SOX5: variants seen among roughly 807,000 people sequenced by gnomAD.
SOX5 encodes SRY-box transcription factor 5.
Under a neutral mutation model 92.0 loss-of-function variants are expected in SOX5, and 9 were observed. The observed-to-expected ratio is 0.10, with a 90% CI of 0.06 to 0.17. The LOEUF (loss-of-function observed/expected upper bound fraction) is 0.17. SOX5 is among the 10% of genes least tolerant of loss of function. The pLI is 1.00. For missense variants in SOX5, 642 were observed against 944.5 expected, an observed-to-expected ratio of 0.68 and a Z score of 4.20; for synonymous variants, 344 against 336.3, an observed-to-expected ratio of 1.02 and a Z score of -0.25.
At chr12:24,481,867 G>T (rs1475540253) in intron 1 of SOX5, among the ~76,000 whole-genome samples, 1 of 152,116 alleles carries the variant, frequency 6.6e-6, no homozygotes, top group Non-Finnish European at 1.5e-5. Flanking sequence ...TGCTGGCATG[G>T]TACCTAAATT....
chr12:24,155,906 A>T (rs1952118622), intron 4 of SOX5, among the ~76,000 whole-genome samples: 1 of 152,130 alleles, frequency 6.6e-6, no homozygotes, highest in South Asian at 2.1e-4. Flanking sequence ...AGGTGACAGT[A>T]GATATAGAAA....
At chr12:24,112,291 T>C (rs1040088494) in intron 4 of SOX5, among the ~76,000 whole-genome samples, 1 of 152,278 alleles carries the variant, frequency 6.6e-6, no homozygotes, top group East Asian at 1.9e-4. Context: ...CAAAAAAGTT[T>C]TATGGAAACA....
chr12:24,012,194 T>C (rs1024528780), intron 4 of SOX5, among the ~76,000 whole-genome samples: 1 of 152,122 alleles, frequency 6.6e-6, no homozygotes. Flanking sequence ...AGCGGACAAG[T>C]GGTTGTTTAT....
At chr12:24,104,856 C>T (rs1946499843) in intron 4 of SOX5, among the ~76,000 whole-genome samples, 1 of 152,204 alleles carries the variant, frequency 6.6e-6, no homozygotes. Flanking sequence ...GACAGCCAAA[C>T]AATTTGGAAC....
intron 6 of SOX5, among the ~76,000 whole-genome samples, chr12:23,706,013 C>T (rs970495964): frequency 6.6e-6 from 1 of 151,746 alleles, no homozygotes; most frequent in African/African-American, 2.4e-5. Flanking sequence ...ATGCATCTTG[C>T]TTCTCACCAC....
At chr12:23,633,198 C>A (rs544989252) in intron 8 of SOX5, among the ~76,000 whole-genome samples, 3 of 152,088 alleles carry the variant, frequency 2.0e-5, no homozygotes, top group African/African-American at 7.2e-5. Flanking sequence ...ATAAATATTT[C>A]CTTCCAATTT....
intron 1 of SOX5, among the ~76,000 whole-genome samples, chr12:24,375,207 T>G (rs1957135191): frequency 1.3e-5 from 2 of 151,300 alleles, no homozygotes; most frequent in South Asian, 4.2e-4. Context: ...TCACCTGACC[T>G]CGTGATCCAC....
intron 3 of SOX5, among the ~76,000 whole-genome samples, chr12:23,758,106 T>C (rs1026236634): frequency 6.6e-6 from 1 of 151,546 alleles, no homozygotes. Context: ...ACGGTTGTCA[T>C]GTCTGTGGAT....
At chr12:23,658,110 G>A (rs1253019395) in intron 7 of SOX5, among the ~76,000 whole-genome samples, 1 of 152,026 alleles carries the variant, frequency 6.6e-6, no homozygotes, top group Non-Finnish European at 1.5e-5. Flanking sequence ...CAGTTATAAT[G>A]ATTAAAATCA....
chr12:24,455,607 T>C (rs1260747310), intron 1 of SOX5, among the ~76,000 whole-genome samples: 1 of 152,210 alleles, frequency 6.6e-6, no homozygotes, highest in Non-Finnish European at 1.5e-5. Context: ...CACCTCCAAC[T>C]ATGTGCAGAG....
At chr12:23,968,339 G>C (rs1490681781) in intron 4 of SOX5, among the ~76,000 whole-genome samples, 3 of 152,144 alleles carry the variant, frequency 2.0e-5, no homozygotes, top group Non-Finnish European at 4.4e-5. Context: ...TATACTACTT[G>C]ACCTTGGCTA....
intron 4 of SOX5, among the ~76,000 whole-genome samples, chr12:24,161,993 T>C (rs1349099398): frequency 6.6e-6 from 1 of 152,028 alleles, no homozygotes; most frequent in Non-Finnish European, 1.5e-5. Context: ...ATAGAAATCA[T>C]TGGTAAGGAG....
intron 7 of SOX5, among the ~76,000 whole-genome samples, chr12:23,655,839 A>G (rs945765133): frequency 6.6e-6 from 1 of 152,158 alleles, no homozygotes; most frequent in African/African-American, 2.4e-5. Context: ...GAAAAAATAC[A>G]TAATATAAAT....
At chr12:24,284,434 G>GTC (rs1291262848) in intron 2 of SOX5, among the ~76,000 whole-genome samples, 1 of 150,684 alleles carries the variant, frequency 6.6e-6, no homozygotes, top group Non-Finnish European at 1.5e-5. Context: ...TTTTTTCTTT[G>GTC]TGTGTGTGTG....
chr12:23,544,585 A>T (rs1465461699), intron 12 of SOX5, among the ~76,000 whole-genome samples: 1 of 152,208 alleles, frequency 6.6e-6, no homozygotes, highest in Non-Finnish European at 1.5e-5. Context: ...CATTCAAAAC[A>T]TAGCATACCT....
At chr12:23,817,862 TC>T (rs2096026993) in intron 3 of SOX5, among the ~76,000 whole-genome samples, 1 of 152,214 alleles carries the variant, frequency 6.6e-6, no homozygotes, top group South Asian at 2.1e-4. Context: ...AGGAACTATA[TC>T]TTTGATTTGT....
At chr12:24,367,419 T>A (rs1177076564) in intron 2 of SOX5, among the ~76,000 whole-genome samples, 1 of 152,180 alleles carries the variant, frequency 6.6e-6, no homozygotes, top group East Asian at 1.9e-4. Context: ...TTTGCAATAC[T>A]AACTATACAC....
intron 1 of SOX5, among the ~76,000 whole-genome samples, chr12:24,445,088 A>G (rs1845757481): frequency 6.6e-6 from 1 of 152,208 alleles, no homozygotes; most frequent in African/African-American, 2.4e-5. Flanking sequence ...TCTCTAATGC[A>G]ATCCCCATTG....
chr12:23,568,279 C>T (rs1329324411), intron 10 of SOX5, among the ~76,000 whole-genome samples: 1 of 152,162 alleles, frequency 6.6e-6, no homozygotes, highest in East Asian at 1.9e-4. Context: ...TCATTCAGAG[C>T]TTCCAGAAGG....
Sources: allele counts gnomAD v4.1 joint callset (sites outside exome capture counted in the v4.1 genomes callset), GRCh38; gene constraint gnomAD v4.1.1; transcripts MANE v1.5; gene names NCBI Gene and HGNC (gene_info 2026-07-23, HGNC 2026-07-21).